Variants in SPEG observed in about 807,000 individuals in gnomAD.
The protein encoded by SPEG is striated muscle enriched protein kinase.
A neutral mutation model predicts 300.4 loss-of-function variants in SPEG; 114 were observed. The observed-to-expected ratio is 0.38, with a 90% CI of 0.33 to 0.44. SPEG has a LOEUF of 0.44. Ranked by LOEUF, SPEG falls within the 20% of genes least tolerant of loss-of-function variation. The probability of loss-of-function intolerance (pLI) is 1.00; values close to 1 mark genes in which losing one functional copy is unlikely to be tolerated. For missense variants in SPEG, 4,201 were observed against 4,586.2 expected, an observed-to-expected ratio of 0.92 and a Z score of 2.43; for synonymous variants, 1,964 against 2,018.9, an observed-to-expected ratio of 0.97 and a Z score of 0.73.
chr2:219,450,985 A>T lies in SPEG; in HGVS notation c.2114-151A>T, dbSNP rs1689701383. The T allele has an allele frequency of 1.1e-5, 8 of 731,708 alleles. No individual in the cohort carries two copies. The East Asian group carries it at 2.3e-4, about 21-fold the overall frequency. The allele number at this position is 731,708 out of a possible 1,614,324, so 45.3% of individuals were successfully genotyped here. The stretch of plus-strand genomic sequence containing the variant: ...CCTTTTTTCCCTAAGGACATTCAGG[A>T]GGCAGACCCTCTTCTCCCCAAGTCC... On this transcript the variant is annotated intron_variant, in intron 4 of 40. Coordinates refer to ENST00000312358, the MANE Select transcript of SPEG (RefSeq NM_005876.5).
chr2:219,469,417 A>G (rs1425663112), intron 13 of SPEG, 38 bp downstream of exon 13: 2 of 1,535,500 alleles, frequency 1.3e-6, no homozygotes, highest in Non-Finnish European at 1.8e-6. Context: ...TGTCCCCTGC[A>G]GCACCCACTT....
chr2:219,444,864 C>A lies in SPEG; in HGVS notation c.518C>A (p.Pro173His). The change falls in exon 3 of 41, where the codon CCC becomes CAC. Residue 173 changes from proline (P) to histidine (H), a missense_variant. Transcript: ENST00000312358. The surrounding 1 kb of genome is among the most constrained non-coding windows in gnomAD (Gnocchi z 7.8). ...CTGGTGGGCACCTCCCTGGACACAC[C>A]CCCGACCTCCGTGACAGGCACCTCA... ...DTLVGTSLDT[P>H]PTSVTGTSEE... 6.4e-7 allele frequency: 1 copy of A among 1,570,944 alleles called. No individual in the cohort carries two copies. Among genetic ancestry groups the A allele is most frequent in the Non-Finnish European group, 8.6e-7 (1 of 1,157,810 alleles).
intron 6 of SPEG, chr2:219,461,422 C>T: frequency 9.8e-7 from 1 of 1,023,676 alleles, no homozygotes; most frequent in South Asian, 3.9e-5. Context: ...GTGTGTGTTC[C>T]TCTGCACCAG....
intron 18 of SPEG, among the ~76,000 whole-genome samples, chr2:219,476,066 A>T (rs1304471147): frequency 1.3e-5 from 2 of 152,186 alleles, no homozygotes; most frequent in Non-Finnish European, 2.9e-5. Flanking sequence ...TGGAAGTCAC[A>T]GGCTCCTTTG....
At position 219,492,798 on chromosome 2, in the gene SPEG, A is replaced by G. The variant is rs1183424831; in HGVS notation, c.*12A>G. 11 of 1,571,896 alleles carry G rather than the reference A, an allele frequency of 7.0e-6. No homozygotes were observed. The highest frequency in any genetic ancestry group is 9.4e-6 in the Non-Finnish European group (11 of 1,164,866). Reference sequence around the variant, plus strand: ...CTGGCGGCCCCTAGAGGCACGGACCACAGCCAGGCCTCGGGCTTCAACTGG... The same window carrying G: ...CTGGCGGCCCCTAGAGGCACGGACCGCAGCCAGGCCTCGGGCTTCAACTGG... On this transcript the variant is annotated 3_prime_UTR_variant, in exon 41 of 41. Transcript: ENST00000312358.
At position 219,444,024 on chromosome 2, in the gene SPEG, G is replaced by T; in HGVS notation, c.389-629G>T. 7.3e-7 allele frequency: 1 copy of T among 1,365,762 alleles called. No individual in the cohort carries two copies. The allele number at this position is 1,365,762 out of a possible 1,614,324, so 84.6% of individuals were successfully genotyped here. On this transcript the variant is annotated intron_variant, in intron 1 of 40. Coordinates refer to ENST00000312358, the MANE Select transcript of SPEG (RefSeq NM_005876.5). This position sits in a 1 kb window ranked among gnomAD's most constrained non-coding sequence, Gnocchi z 7.8. ...TCTCTCTCCTGCTGCTCCTATGGAA[G>T]CGAAGTTTTCCGCTCCTGCAGAAAG...
chr2:219,475,799 C>T (rs916608800), intron 18 of SPEG, among the ~76,000 whole-genome samples: 3 of 152,310 alleles, frequency 2.0e-5, no homozygotes, highest in African/African-American at 7.2e-5. Flanking sequence ...TGCACTGACA[C>T]CCCTATTCCA....
intron 9 of SPEG, chr2:219,466,826 C>T: frequency 5.6e-6 from 6 of 1,074,958 alleles, no homozygotes; most frequent in Non-Finnish European, 6.8e-6. Context: ...TTGGAAACAC[C>T]TATTTCTTAA....
chr2:219,467,267 CG>C lies in SPEG; in HGVS notation c.2979del (p.Thr995LeufsTer56). On this transcript the variant is annotated frameshift_variant, in exon 10 of 41. Transcript: ENST00000312358. LOFTEE classifies it high-confidence loss of function. ...GEMALFECLV[A>X]GPTDVEVDWL... ...ATGGCGCTGTTTGAGTGCCTGGTGG[CG>C]GGGCCCACTGACGTGGAGGTGGATT... 1 of 1,608,360 alleles carries C rather than the reference CG, an allele frequency of 6.2e-7. No homozygotes were observed.
Position 219,444,093 on chromosome 2 carries a change from TC to T in SPEG, c.389-553del. The T allele has an allele frequency of 1.5e-5, 20 of 1,334,888 alleles. No homozygotes were observed. Among genetic ancestry groups the T allele is most frequent in the Non-Finnish European group, 1.8e-5 (18 of 1,000,604 alleles). The allele number at this position is 1,334,888 out of a possible 1,614,324, so 82.7% of individuals were successfully genotyped here. A position where few individuals can be genotyped will look rare whatever the true frequency, so the allele number is the denominator to read the frequency against. On this transcript the variant is annotated intron_variant, in intron 1 of 40. Transcript: ENST00000312358. The surrounding 1 kb of genome is among the most constrained non-coding windows in gnomAD (Gnocchi z 7.8). ...CTGGCTCCTGCTCTAGCCCCCCGCA[TC>T]CCCCCCTTTCCCACCCGGCCCCGGC...
At chr2:219,467,069 C>T (rs1691430926) in intron 9 of SPEG, 105 bp from the exon 10 acceptor site, 1 of 1,335,006 alleles carries the variant, frequency 7.5e-7, no homozygotes, top group Non-Finnish European at 1.0e-6. Flanking sequence ...CAAAATGCAT[C>T]TCTCTCTCTG....
intron 4 of SPEG, 101 bp downstream of exon 4, chr2:219,449,372 G>T (rs1336676821): frequency 1.1e-5 from 10 of 944,396 alleles, no homozygotes; most frequent in African/African-American, 6.9e-5. Flanking sequence ...CGGGGGTTTC[G>T]CCTGGGGCTG....
At position 219,493,209 on chromosome 2, in the gene SPEG, G is replaced by A; in HGVS notation, c.*423G>A. On this transcript the variant is annotated 3_prime_UTR_variant, in exon 41 of 41. Transcript: ENST00000312358. ...CCCCAGGTGTCAGGGCAGTAGGCTG[G>A]GAGTCAGTGTGGCAAAGCGGGGGCA... 1 of 379,310 alleles carries A rather than the reference G, an allele frequency of 2.6e-6. No individual in the cohort carries two copies. Among genetic ancestry groups the A allele is most frequent in the South Asian group, 2.0e-5 (1 of 48,942 alleles). 23.5% of individuals were successfully genotyped at this position (379,310 alleles called of 1,614,324 possible).
chr2:219,448,009 C>A lies in SPEG; in HGVS notation c.851C>A (p.Pro284His), dbSNP rs746620548. The A allele has an allele frequency of 1.9e-6, 3 of 1,612,552 alleles. No individual in the cohort carries two copies. In the South Asian group the frequency reaches 3.3e-5, roughly 18 times the overall value. Residue 284 changes from proline to histidine, a missense_variant, in exon 4 of 41, where the codon CCC becomes CAC. Around this residue, in one of 4 missense-constraint regions of SPEG, gnomAD observed 1,258 missense variants for 1,293.9 expected, o/e 0.97. Transcript: ENST00000312358. ...VPQSGLRREEPDLQPQLASEA... is the reference protein window; with the variant it reads ...VPQSGLRREEHDLQPQLASEA... ...CAGAGCGGGTTGCGCAGGGAGGAGC[C>A]CGACCTTCAGCCTCAACTGGCCAGC...
chr2:219,468,997 G>A lies in SPEG; in HGVS notation c.3440G>A (p.Cys1147Tyr). The A allele has an allele frequency of 6.2e-7, 1 of 1,613,890 alleles. No individual in the cohort carries two copies. Among genetic ancestry groups the A allele is most frequent in the Non-Finnish European group, 8.5e-7 (1 of 1,179,986 alleles). The change falls in exon 12 of 41, where the codon TGC (cysteine) becomes TAC (tyrosine). Residue 1147 changes from cysteine to tyrosine, a missense_variant. Cys to Tyr is a radical substitution (Grantham distance 194). Around this residue, in one of 4 missense-constraint regions of SPEG, gnomAD observed 1,047 missense variants for 1,356.8 expected, o/e 0.77. Transcript: ENST00000312358. The part of the protein sequence containing the change: ...SAVNTHGQAH[C>Y]SAQLYVEEPR... ...GTTAACACCCATGGCCAGGCCCACT[G>A]CTCAGCCCAGCTGTATGTAGAAGAG...
At chr2:219,466,352 A>C in intron 9 of SPEG, 2 of 1,397,574 alleles carry the variant, frequency 1.4e-6, no homozygotes, top group Non-Finnish European at 1.9e-6. Flanking sequence ...CAACCCCCCG[A>C]GTCTCTCCCT....
chr2:219,469,495 AG>A, intron 13 of SPEG, 116 bp downstream of exon 13: 1 of 868,404 alleles, frequency 1.2e-6, no homozygotes, highest in Non-Finnish European at 1.8e-6. Context: ...GACCAGGGAC[AG>A]GGTGCCTGGG....
chr2:219,471,435 T>C (rs899256974), intron 13 of SPEG, among the ~76,000 whole-genome samples: 1 of 152,086 alleles, frequency 6.6e-6, no homozygotes, highest in Non-Finnish European at 1.5e-5. Flanking sequence ...AGAATGGCAG[T>C]GGCCTTGGGG....
intron 6 of SPEG, among the ~76,000 whole-genome samples, chr2:219,453,618 C>T (rs139076737): frequency 2.6e-4 from 40 of 152,310 alleles, no homozygotes; most frequent in African/African-American, 8.2e-4. Flanking sequence ...CACAGCATCT[C>T]GGCACCTCTG....
Sources: gnomAD v4.1 joint callset for allele counts (sites outside exome capture counted in the v4.1 genomes callset) on GRCh38, gnomAD v4.1.1 for gene constraint, gnomAD v4.1.1 regional missense constraint, Gnocchi (gnomAD v3.1) non-coding constraint, MANE v1.5 for transcripts, NCBI Gene and HGNC (gene_info 2026-07-23, HGNC 2026-07-21) for gene names.